Variants in CLCN5 observed in about 807,000 individuals in gnomAD.
CLCN5 encodes Cl-/H+ antiporter 5, also known as H(+)/Cl(-) exchange transporter 5.
CLCN5 carries 17 observed loss-of-function variants against 54.0 expected under a neutral mutation model. The ratio of observed to expected loss-of-function variants is 0.31; its 90% confidence interval spans 0.22 to 0.47. The LOEUF is 0.47. Ranked by LOEUF, CLCN5 falls within the 20% of genes least tolerant of loss-of-function variation. The pLI is 1.00. For missense variants in CLCN5, 448 were observed against 646.7 expected, an observed-to-expected ratio of 0.69 and a Z score of 3.33; for synonymous variants, 222 against 233.0, an observed-to-expected ratio of 0.95 and a Z score of 0.43.
chrX:50,054,561 C>G (rs782643522), intron 4 of CLCN5: 1 of 111,193 alleles, frequency 9.0e-6, no homozygotes, highest in Non-Finnish European at 1.9e-5. Flanking sequence ...TCACGCCAGT[C>G]CACACTCAGC....
At chrX:50,065,583 C>T (rs1229818473) in intron 4 of CLCN5, among the ~76,000 whole-genome samples, 2 of 79,322 alleles carry the variant, frequency 2.5e-5, no homozygotes, top group African/African-American at 9.4e-5. Context: ...ACTAGTTCAA[C>T]CATTGTGGAA....
intron 11 of CLCN5, among the ~76,000 whole-genome samples, chrX:50,087,790 T>TTA (rs1557194199): frequency 8.9e-6 from 1 of 112,010 alleles, no homozygotes; most frequent in Non-Finnish European, 1.9e-5. Context: ...ATTCTTTCAC[T>TTA]TAAAGGGAAT....
intron 4 of CLCN5, among the ~76,000 whole-genome samples, chrX:50,060,675 T>A (rs1443897611): frequency 8.9e-6 from 1 of 112,329 alleles, no homozygotes; most frequent in Non-Finnish European, 1.9e-5. Context: ...GAGGCCTGCC[T>A]GCCTCTGTAG....
In CLCN5 at chrX:50,096,445, A is replaced by G. The variant is rs1477743390; in HGVS notation, c.*4226A>G. 7 of 111,460 alleles carry G rather than the reference A, an allele frequency of 6.3e-5. No homozygotes were observed. The highest frequency in any genetic ancestry group is 2.3e-4 in the African/African-American group (7 of 30,365). The allele number at this position is 111,460 out of a possible 1,213,427, so 9.2% of individuals were successfully genotyped here. A position where few individuals can be genotyped will look rare whatever the true frequency, so the allele number is the denominator to read the frequency against. ...GCAATTCCCCTGCCTCAGTCTCCCA[A>G]GTAGGTGGGACTACAGGCGCACACC... On this transcript the variant is annotated 3_prime_UTR_variant, in exon 15 of 15. Transcript: ENST00000376091.
intron 3 of CLCN5, among the ~76,000 whole-genome samples, chrX:49,949,825 C>T (rs1356174371): frequency 2.7e-5 from 3 of 111,658 alleles, no homozygotes; most frequent in African/African-American, 9.8e-5. Context: ...GATTCCCAGA[C>T]CATTATTCCT....
chrX:49,994,828 C>T (rs1602023486), intron 3 of CLCN5, among the ~76,000 whole-genome samples: 2 of 111,828 alleles, frequency 1.8e-5, no homozygotes. Flanking sequence ...AATTCTTCCA[C>T]CAAGTTTCAG....
chrX:49,952,453 T>C (rs1927081683), intron 3 of CLCN5, among the ~76,000 whole-genome samples: 1 of 110,079 alleles, frequency 9.1e-6, no homozygotes, highest in African/African-American at 3.3e-5. Flanking sequence ...TAGGAAGGAC[T>C]CTCCAGTCTA....
chrX:49,984,317 A>G (rs1928885791), intron 3 of CLCN5, among the ~76,000 whole-genome samples: 1 of 111,954 alleles, frequency 8.9e-6, no homozygotes, highest in Admixed American at 9.4e-5. Flanking sequence ...GCTTGCTAAT[A>G]TTGTATTTAG....
intron 12 of CLCN5, among the ~76,000 whole-genome samples, chrX:50,089,667 C>T (rs1934017108): frequency 8.9e-6 from 1 of 111,856 alleles, no homozygotes; most frequent in South Asian, 3.8e-4. Context: ...GGGAGGATCA[C>T]TTGAGGTTAG....
intron 3 of CLCN5, among the ~76,000 whole-genome samples, chrX:50,033,020 C>G (rs1327526962): frequency 5.5e-4 from 61 of 110,965 alleles, no homozygotes; most frequent in African/African-American, 2.0e-3. Flanking sequence ...TGTCAAAGAT[C>G]AGATAGTTGT....
intron 3 of CLCN5, among the ~76,000 whole-genome samples, chrX:49,967,564 C>A (rs1927989557): frequency 1.2e-5 from 1 of 84,768 alleles, no homozygotes; most frequent in Admixed American, 1.2e-4. Context: ...AAGACAAAAA[C>A]CACATGATTA....
At chrX:49,933,520 C>T (rs1329522509) in intron 3 of CLCN5, among the ~76,000 whole-genome samples, 1 of 112,254 alleles carries the variant, frequency 8.9e-6, no homozygotes, top group Non-Finnish European at 1.9e-5. Context: ...ATTTAAACTC[C>T]AGAAGCCTCA....
intron 3 of CLCN5, among the ~76,000 whole-genome samples, chrX:49,928,234 T>C (rs928400221): frequency 2.7e-5 from 3 of 112,256 alleles, no homozygotes; most frequent in Admixed American, 1.9e-4. Flanking sequence ...TCATTACACA[T>C]TGTATACGTG....
chrX:50,076,316 A>G (rs1323070911), intron 7 of CLCN5, among the ~76,000 whole-genome samples: 1 of 112,483 alleles, frequency 8.9e-6, no homozygotes, highest in Non-Finnish European at 1.9e-5. Flanking sequence ...CAGGTGAGCT[A>G]TAATTTCTAA....
chrX:50,081,674 G>A lies in CLCN5; in HGVS notation c.760G>A (p.Gly254Ser), dbSNP rs1440676344. Reference sequence around the variant, plus strand: ...TATCTTGAGTGGTTTCATTATTAGGGGCTATTTGGGTAAGTGGACTCTGGT... The same window carrying A: ...TATCTTGAGTGGTTTCATTATTAGGAGCTATTTGGGTAAGTGGACTCTGGT... ...KTILSGFIIR[G>S]YLGKWTLVIK... Residue 254 changes from glycine (G) to serine (S), a missense_variant, in exon 9 of 15, where the codon GGC (glycine) becomes AGC (serine). Gly to Ser is a moderately conservative substitution (Grantham distance 56). Transcript: ENST00000376091. 3 of 1,207,658 alleles carry A rather than the reference G, an allele frequency of 2.5e-6. No individual in the cohort carries two copies. In the East Asian group the frequency reaches 8.9e-5, roughly 36 times the overall value.
intron 3 of CLCN5, among the ~76,000 whole-genome samples, chrX:49,945,604 G>GTTTTTTTTTTTTT (rs1162822439): frequency 1.0e-3 from 71 of 71,117 alleles, no homozygotes; most frequent in Non-Finnish European, 1.3e-3. Flanking sequence ...CGCCCAGCTA[G>GTTTTTTTTTTTTT]TTTTTTTTTT....
intron 4 of CLCN5, among the ~76,000 whole-genome samples, chrX:50,058,118 G>T (rs1390712693): frequency 1.8e-5 from 2 of 111,738 alleles, no homozygotes; most frequent in Non-Finnish European, 3.8e-5. Context: ...ATATATCGCT[G>T]TAAAACTGAA....
intron 14 of CLCN5, among the ~76,000 whole-genome samples, chrX:50,091,756 G>T (rs1934107146): frequency 8.9e-6 from 1 of 112,477 alleles, no homozygotes; most frequent in Non-Finnish European, 1.9e-5. Flanking sequence ...GGCCTGCAAA[G>T]AATGTGCATG....
chrX:49,988,473 G>A (rs1279290202), intron 3 of CLCN5, among the ~76,000 whole-genome samples: 1 of 111,066 alleles, frequency 9.0e-6, no homozygotes, highest in Non-Finnish European at 1.9e-5. Flanking sequence ...CTGTGTGCTT[G>A]GATTTCAAGT....
Sources: gnomAD v4.1 joint callset for allele counts (sites outside exome capture counted in the v4.1 genomes callset) on GRCh38, gnomAD v4.1.1 for gene constraint, MANE v1.5 for transcripts, NCBI Gene and HGNC (gene_info 2026-07-23, HGNC 2026-07-21) for gene names.